SLC4A4: variants seen among roughly 807,000 people sequenced by gnomAD.
The protein encoded by SLC4A4 is electrogenic sodium bicarbonate cotransporter 1.
SLC4A4 carries 27 observed loss-of-function variants against 111.5 expected under a neutral mutation model. The ratio of observed to expected loss-of-function variants is 0.24; its 90% CI spans 0.18 to 0.33. SLC4A4 has a LOEUF of 0.33. Among genes scored for constraint, SLC4A4 ranks in the 10% least tolerant of loss-of-function variants. The pLI is 1.00. For synonymous variants in SLC4A4, 443 were observed against 463.4 expected, an observed-to-expected ratio of 0.96 and a Z score of 0.57; for missense variants, 909 against 1,315.5, an observed-to-expected ratio of 0.69 and a Z score of 4.78.
At chr4:71,160,959 C>A (rs1578537849) in intron 2 of SLC4A4, among the ~76,000 whole-genome samples, 1 of 152,164 alleles carries the variant, frequency 6.6e-6, no homozygotes, top group East Asian at 1.9e-4. Context: ...TAAATATCCT[C>A]CAGATAAATA....
At chr4:71,153,028 T>G (rs867458288) in intron 2 of SLC4A4, among the ~76,000 whole-genome samples, 4 of 135,860 alleles carry the variant, frequency 2.9e-5, no homozygotes, top group African/African-American at 1.3e-4. Flanking sequence ...TAAATATATG[T>G]GTGTGTATAT....
chr4:71,303,594 A>G (rs1373234989), intron 3 of SLC4A4, among the ~76,000 whole-genome samples: 1 of 152,184 alleles, frequency 6.6e-6, no homozygotes, highest in African/African-American at 2.4e-5. Flanking sequence ...AAAGAATAAG[A>G]TGGGAGGCCG....
intron 6 of SLC4A4, among the ~76,000 whole-genome samples, chr4:71,373,658 C>A (rs16846318): frequency 1.3e-5 from 2 of 152,104 alleles, no homozygotes; most frequent in East Asian, 3.9e-4. Flanking sequence ...GTTTTTAGTA[C>A]GGAGATAGCA....
At chr4:71,561,578 A>G (rs1037757227) in intron 23 of SLC4A4, among the ~76,000 whole-genome samples, 1 of 151,830 alleles carries the variant, frequency 6.6e-6, no homozygotes, top group African/African-American at 2.4e-5. Context: ...GGCTTAATGC[A>G]TGAGGCACAT....
intron 6 of SLC4A4, among the ~76,000 whole-genome samples, chr4:71,382,126 A>G (rs1718201108): frequency 6.6e-6 from 1 of 152,100 alleles, no homozygotes; most frequent in Non-Finnish European, 1.5e-5. Context: ...TATTTTATTG[A>G]GACTCCTGAT....
intron 1 of SLC4A4, among the ~76,000 whole-genome samples, chr4:71,223,307 C>G (rs954448463): frequency 1.3e-5 from 2 of 151,938 alleles, no homozygotes; most frequent in Non-Finnish European, 2.9e-5. Context: ...TCCCGGGTAG[C>G]TGGGACTACA....
intron 3 of SLC4A4, among the ~76,000 whole-genome samples, chr4:71,317,085 T>C (rs1189842460): frequency 2.0e-5 from 3 of 151,158 alleles, no homozygotes; most frequent in African/African-American, 4.9e-5. Flanking sequence ...CGTGTGTGTG[T>C]GTGTGTGTGT....
At chr4:71,384,484 T>G (rs971996957) in intron 6 of SLC4A4, among the ~76,000 whole-genome samples, 1 of 152,006 alleles carries the variant, frequency 6.6e-6, no homozygotes, top group Admixed American at 6.6e-5. Flanking sequence ...GTTTACTGCA[T>G]GAGGAAGCCA....
intron 3 of SLC4A4, among the ~76,000 whole-genome samples, chr4:71,295,377 T>C (rs954943188): frequency 6.6e-6 from 1 of 152,160 alleles, no homozygotes; most frequent in African/African-American, 2.4e-5. Flanking sequence ...CCTGGACTGG[T>C]ACTTTCATTG....
intron 2 of SLC4A4, among the ~76,000 whole-genome samples, chr4:71,115,358 TAAA>T (rs979675055): frequency 4.7e-5 from 7 of 149,600 alleles, no homozygotes; most frequent in African/African-American, 1.7e-4. Context: ...AAAAAATAAA[TAAA>T]AAAGAAGGAA....
rs549820277 is a variant in SLC4A4 at position 71,435,192 on chromosome 4, T to A, written c.808-5424T>A. On this transcript the variant is annotated intron_variant, in intron 7 of 25. Coordinates refer to ENST00000264485, the MANE Select transcript of SLC4A4 (RefSeq NM_001098484.3). ...GGCTACAGTAACCAAAACAGCATGGTACTGGTACCAAAACAGATATATAGA... is the reference window on the plus strand; with the variant it reads ...GGCTACAGTAACCAAAACAGCATGGAACTGGTACCAAAACAGATATATAGA... 4.6e-5 allele frequency among the ~76,000 whole-genome samples: 7 copies of A among 152,300 alleles called. No homozygotes were observed. In the South Asian group the frequency reaches 1.4e-3, roughly 32 times the overall value.
At chr4:71,382,886 G>C (rs1718289667) in intron 6 of SLC4A4, among the ~76,000 whole-genome samples, 2 of 152,136 alleles carry the variant, frequency 1.3e-5, no homozygotes, top group South Asian at 4.1e-4. Context: ...GCTGTACTGG[G>C]GGAATTTCTG....
intron 1 of SLC4A4, among the ~76,000 whole-genome samples, chr4:71,194,317 T>C (rs1195679715): frequency 6.6e-6 from 1 of 152,202 alleles, no homozygotes; most frequent in African/African-American, 2.4e-5. Flanking sequence ...GTTATTGTAT[T>C]CTTCAACATT....
rs1236652663 is a variant in SLC4A4, at chr4:71,322,959, A to C, written c.254-16411A>C. 2.0e-5 allele frequency among the ~76,000 whole-genome samples: 3 copies of C among 151,970 alleles called. No individual in the cohort carries two copies. The East Asian group carries it at 5.8e-4, about 29-fold the overall frequency. On this transcript the variant is annotated intron_variant, in intron 3 of 25. Transcript: ENST00000264485. ...GTGGCTTCCCAGTTAAGTAGCGTTC[A>C]GAACCATGGCCAGTCCTGGTTCAGA...
At chr4:71,178,973 G>A (rs1209726871) in intron 2 of SLC4A4, among the ~76,000 whole-genome samples, 1 of 152,090 alleles carries the variant, frequency 6.6e-6, no homozygotes, top group Non-Finnish European at 1.5e-5. Context: ...CTGGCAAACC[G>A]AATCCAGCAG....
intron 24 of SLC4A4, among the ~76,000 whole-genome samples, chr4:71,566,324 A>G (rs1737466831): frequency 6.6e-6 from 1 of 151,866 alleles, no homozygotes; most frequent in Non-Finnish European, 1.5e-5. Context: ...TGTGCCTAGC[A>G]TGTATGTCTT....
At chr4:71,418,663 A>G (rs1213000842) in intron 7 of SLC4A4, among the ~76,000 whole-genome samples, 2 of 152,248 alleles carry the variant, frequency 1.3e-5, no homozygotes, top group African/African-American at 4.8e-5. Context: ...ATTAACAACA[A>G]AACAAAAATA....
At chr4:71,088,708 T>C (rs779801968) in intron 1 of SLC4A4, among the ~76,000 whole-genome samples, 3 of 152,056 alleles carry the variant, frequency 2.0e-5, no homozygotes, top group Non-Finnish European at 4.4e-5. Flanking sequence ...AAAATTCTTT[T>C]CTTTAAGAAT....
rs1722898265 is a variant in SLC4A4, at chr4:71,424,460, A to G, written c.808-16156A>G. Among the ~76,000 whole-genome samples the G allele has an allele frequency of 3.3e-5, 5 of 152,046 alleles. No homozygotes were observed. In the South Asian group the frequency reaches 1.0e-3, roughly 32 times the overall value. ...ATTCCTCAGGGATCTAGAACTAGAA[A>G]TACCATTTGACCCAGCCATCCCATT... On this transcript the variant is annotated intron_variant, in intron 7 of 25. Transcript: ENST00000264485.
Sources: allele counts gnomAD v4.1 joint callset (sites outside exome capture counted in the v4.1 genomes callset), GRCh38; gene constraint gnomAD v4.1.1; transcripts MANE v1.5; gene names NCBI Gene and HGNC (gene_info 2026-07-23, HGNC 2026-07-21).